The following CAPZA2 variants were observed in gnomAD, a reference collection of about 807,000 sequenced individuals.
CAPZA2 encodes the protein F-actin-capping protein subunit alpha-2.
A neutral mutation model predicts 44.0 loss-of-function variants in CAPZA2; 13 were observed. That is an observed-to-expected ratio of 0.30 (90% confidence interval 0.19 to 0.47). The LOEUF (loss-of-function observed/expected upper bound fraction) is 0.47, where lower values mean the gene tolerates loss of function less well. CAPZA2 is among the 20% of genes least tolerant of loss of function. The pLI, the probability that CAPZA2 is intolerant of heterozygous loss-of-function variation, is 1.00. For missense variants in CAPZA2, 244 were observed against 338.6 expected (o/e 0.72, Z 2.19); for synonymous variants, 94 against 108.2 (o/e 0.87, Z 0.81).
rs1019220802 is a variant in CAPZA2 at position 116,919,419 on chromosome 7, A to T, written c.*1552A>T. ...GTGAACTAAATACTAGATCTAATTG[A>T]CAAGCTTAGTTGTATCAGTTAGGCC... On this transcript the variant is annotated 3_prime_UTR_variant, in exon 10 of 10. Coordinates refer to ENST00000361183, the MANE Select transcript of CAPZA2 (RefSeq NM_006136.3). 1.3e-5 allele frequency: 2 copies of T among 152,154 alleles called. No individual in the cohort carries two copies. The highest frequency in any genetic ancestry group is 2.9e-5 in the Non-Finnish European group (2 of 68,022). 9.4% of individuals were successfully genotyped at this position (152,154 alleles called of 1,614,324 possible).
At chr7:116,916,652 A>G (rs1178364631) in intron 9 of CAPZA2, among the ~76,000 whole-genome samples, 1 of 152,136 alleles carries the variant, frequency 6.6e-6, no homozygotes, top group African/African-American at 2.4e-5. Context: ...GGTTTTGGCC[A>G]ACATAATTTC....
At chr7:116,889,742 C>T (rs1252097689) in intron 2 of CAPZA2, among the ~76,000 whole-genome samples, 1 of 152,072 alleles carries the variant, frequency 6.6e-6, no homozygotes, top group African/African-American at 2.4e-5. Flanking sequence ...AGTTCTTATG[C>T]ATTTTAAAAT....
intron 6 of CAPZA2, 170 bp downstream of exon 6, chr7:116,906,512 A>G (rs1200066932): frequency 5.2e-6 from 6 of 1,148,804 alleles, no homozygotes; most frequent in Non-Finnish European, 7.0e-6. Context: ...TCAACAGCCT[A>G]ATCACTAAAG....
At chr7:116,896,803 AATG>A (rs1416166336) in intron 3 of CAPZA2, among the ~76,000 whole-genome samples, 1 of 152,100 alleles carries the variant, frequency 6.6e-6, no homozygotes, top group African/African-American at 2.4e-5. Context: ...TGGATGAAGG[AATG>A]ATGAGTGGGT....
intron 5 of CAPZA2, among the ~76,000 whole-genome samples, chr7:116,905,945 T>C (rs1791494553): frequency 6.6e-6 from 1 of 152,192 alleles, no homozygotes; most frequent in Non-Finnish European, 1.5e-5. Context: ...AAAGCTAGAT[T>C]AGCATCTGTA....
intron 1 of CAPZA2, among the ~76,000 whole-genome samples, chr7:116,886,319 A>G (rs1033445646): frequency 6.6e-6 from 1 of 152,198 alleles, no homozygotes; most frequent in Non-Finnish European, 1.5e-5. Flanking sequence ...AACTACAAAC[A>G]TTCCCTTTGT....
rs1418338707 is a variant in CAPZA2, at chr7:116,918,500, A to G, written c.*633A>G. The G allele has an allele frequency of 6.6e-6, 1 of 152,634 alleles. No individual in the cohort carries two copies. The highest frequency in any genetic ancestry group is 1.5e-5 in the Non-Finnish European group (1 of 68,044). The allele number at this position is 152,634 out of a possible 1,614,324, so 9.5% of individuals were successfully genotyped here. A position where few individuals can be genotyped will look rare whatever the true frequency, so the allele number is the denominator to read the frequency against. ...TTTTGAGATTCTGAAATTAATGAAAATACTTATTTCAGAAATGCATTTAAT... is the reference window on the plus strand; with the variant it reads ...TTTTGAGATTCTGAAATTAATGAAAGTACTTATTTCAGAAATGCATTTAAT... On this transcript the variant is annotated 3_prime_UTR_variant, in exon 10 of 10. Coordinates refer to ENST00000361183, the MANE Select transcript of CAPZA2 (RefSeq NM_006136.3).
chr7:116,905,598 A>G (rs956393364), intron 5 of CAPZA2, among the ~76,000 whole-genome samples: 18 of 152,340 alleles, frequency 1.2e-4, no homozygotes, highest in Non-Finnish European at 2.2e-4. Flanking sequence ...AAATATTGCA[A>G]CATAACCTCA....
chr7:116,907,370 G>A (rs1461580302), intron 6 of CAPZA2, among the ~76,000 whole-genome samples: 1 of 152,178 alleles, frequency 6.6e-6, no homozygotes, highest in African/African-American at 2.4e-5. Context: ...TAATATAAGT[G>A]TAGTTTCTCT....
chr7:116,898,648 ATTTT>A (rs1796956035), intron 3 of CAPZA2, 120 bp from the exon 4 acceptor site: 2 of 521,236 alleles, frequency 3.8e-6, no homozygotes, highest in South Asian at 6.3e-5. Context: ...GAGAATTACA[ATTTT>A]ATTTATTTTG....
chr7:116,881,590 T>A (rs11562010), intron 1 of CAPZA2, among the ~76,000 whole-genome samples: 51,773 of 151,222 alleles, frequency 0.34, 10,769 homozygotes, highest in South Asian at 0.53. Flanking sequence ...ATACAAAAAA[T>A]TAGCCGGGCG....
In CAPZA2 at chr7:116,890,522, AAAAATATATATAT is replaced by A. The variant is rs1235016410; in HGVS notation, c.103+2334_103+2346del. Among the ~76,000 whole-genome samples the A allele has an allele frequency of 2.6e-4, 10 of 38,708 alleles. 1 individual carries two copies. Among genetic ancestry groups the A allele is most frequent in the East Asian group, 1.6e-3 (2 of 1,236 alleles). The allele number at this position is 38,708 out of a possible 152,430, so 25.4% of individuals were successfully genotyped here. The stretch of plus-strand genomic sequence containing the variant: ...CCTGTCTCTACTTAAAAAAAAAAAA[AAAAATATATATAT>A]ATATATATATATATATATATATATA... On this transcript the variant is annotated intron_variant, in intron 2 of 9. Transcript: ENST00000361183.
chr7:116,886,587 C>A (rs1175361572), intron 1 of CAPZA2, among the ~76,000 whole-genome samples: 1 of 152,126 alleles, frequency 6.6e-6, no homozygotes, highest in Non-Finnish European at 1.5e-5. Flanking sequence ...AAAAATAAAT[C>A]AAGGCTTTGT....
At chr7:116,886,362 C>A (rs1026239001) in intron 1 of CAPZA2, among the ~76,000 whole-genome samples, 1 of 152,162 alleles carries the variant, frequency 6.6e-6, no homozygotes, top group Non-Finnish European at 1.5e-5. Context: ...TTTTGAAGGC[C>A]TTGTCATACA....
In CAPZA2 at chr7:116,921,021, G is replaced by A. The variant is rs1388809857; in HGVS notation, c.*3154G>A. ...AGTGAGGGCTTGAGACGGGGGGAGGGATAGTGAAAATGTACAACCAGTGGA... is the reference window on the plus strand; with the variant it reads ...AGTGAGGGCTTGAGACGGGGGGAGGAATAGTGAAAATGTACAACCAGTGGA... On this transcript the variant is annotated 3_prime_UTR_variant, in exon 10 of 10. Coordinates refer to ENST00000361183, the MANE Select transcript of CAPZA2 (RefSeq NM_006136.3). 6.6e-6 allele frequency: 1 copy of A among 152,260 alleles called. No homozygotes were observed. Among genetic ancestry groups the A allele is most frequent in the African/African-American group, 2.4e-5 (1 of 41,428 alleles). The allele number at this position is 152,260 out of a possible 1,614,324, so 9.4% of individuals were successfully genotyped here.
chr7:116,897,585 A>G (rs2115943550), intron 3 of CAPZA2, among the ~76,000 whole-genome samples: 1 of 152,266 alleles, frequency 6.6e-6, no homozygotes, highest in Middle Eastern at 3.4e-3. Context: ...GAAGTTTCCA[A>G]GTAGATTAGA....
chr7:116,912,869 A>T (rs1384064759), intron 8 of CAPZA2, among the ~76,000 whole-genome samples: 6 of 152,202 alleles, frequency 3.9e-5, no homozygotes, highest in Admixed American at 2.0e-4. Context: ...AACCTTTTGA[A>T]GAACTGCCAG....
intron 1 of CAPZA2, among the ~76,000 whole-genome samples, chr7:116,879,858 C>T (rs559119334): frequency 1.8e-4 from 28 of 152,226 alleles, no homozygotes; most frequent in Non-Finnish European, 3.1e-4. Context: ...TTTATTCGTG[C>T]TTATAGATTT....
chr7:116,916,355 G>A (rs1051688373), intron 9 of CAPZA2, among the ~76,000 whole-genome samples: 1 of 152,224 alleles, frequency 6.6e-6, no homozygotes, highest in African/African-American at 2.4e-5. Flanking sequence ...GGCCGAGCGC[G>A]GAGGCTCACG....
Sources: allele counts gnomAD v4.1 joint callset (sites outside exome capture counted in the v4.1 genomes callset), GRCh38; gene constraint gnomAD v4.1.1; transcripts MANE v1.5; gene names NCBI Gene and HGNC (gene_info 2026-07-23, HGNC 2026-07-21).